The following FRMD5 variants were observed in gnomAD, a reference collection of about 807,000 sequenced individuals.
FRMD5 encodes FERM domain containing 5.
FRMD5 carries 20 observed loss-of-function variants against 69.0 expected under a neutral mutation model. The ratio of observed to expected loss-of-function variants is 0.29; its 90% confidence interval spans 0.20 to 0.42. The LOEUF (loss-of-function observed/expected upper bound fraction) is 0.42, where lower values mean the gene tolerates loss of function less well. FRMD5 is among the 10% of genes least tolerant of loss of function. The pLI is 1.00. For missense variants in FRMD5, 595 were observed against 708.6 expected, an observed-to-expected ratio of 0.84 and a Z score of 1.82; for synonymous variants, 271 against 260.1, an observed-to-expected ratio of 1.04 and a Z score of -0.40.
chr15:43,948,299 T>C (rs1221605072), intron 1 of FRMD5, among the ~76,000 whole-genome samples: 1 of 152,202 alleles, frequency 6.6e-6, no homozygotes, highest in Non-Finnish European at 1.5e-5. Context: ...AATATATGGC[T>C]GCTGCCTGGG....
At chr15:43,943,453 T>C (rs2140492472) in intron 1 of FRMD5, among the ~76,000 whole-genome samples, 1 of 152,334 alleles carries the variant, frequency 6.6e-6, no homozygotes, top group South Asian at 2.1e-4. Context: ...ATGATACTTT[T>C]AACTCACCTC....
chr15:43,925,107 C>T (rs866986317), intron 1 of FRMD5, among the ~76,000 whole-genome samples: 3 of 151,018 alleles, frequency 2.0e-5, no homozygotes, highest in African/African-American at 2.4e-5. Flanking sequence ...TGGGTTCACA[C>T]GATTCTCCTG....
intron 1 of FRMD5, among the ~76,000 whole-genome samples, chr15:44,142,513 C>T (rs1158217443): frequency 2.0e-5 from 3 of 152,126 alleles, no homozygotes; most frequent in African/African-American, 7.2e-5. Context: ...TATAGAGACT[C>T]CACACATTCA....
intron 1 of FRMD5, among the ~76,000 whole-genome samples, chr15:43,942,552 TCATCTGGAA>T (rs1465979809): frequency 6.6e-6 from 1 of 152,154 alleles, no homozygotes; most frequent in Non-Finnish European, 1.5e-5. Context: ...TTAACCTTAC[TCATCTGGAA>T]CAATGGAAGA....
At chr15:43,974,913 T>C (rs2090440829) in intron 1 of FRMD5, among the ~76,000 whole-genome samples, 1 of 152,238 alleles carries the variant, frequency 6.6e-6, no homozygotes, top group Non-Finnish European at 1.5e-5. Context: ...TTGTGGCTTC[T>C]GACAATCATC....
At chr15:44,073,310 G>A (rs185016199) in intron 1 of FRMD5, among the ~76,000 whole-genome samples, 35 of 152,180 alleles carry the variant, frequency 2.3e-4, no homozygotes, top group South Asian at 2.1e-3. Flanking sequence ...ACGTGTATAA[G>A]AGCAAACTTA....
intron 1 of FRMD5, among the ~76,000 whole-genome samples, chr15:44,059,543 G>A (rs766061680): frequency 4.6e-5 from 7 of 151,926 alleles, no homozygotes; most frequent in East Asian, 1.9e-4. Flanking sequence ...ATGGAGTCTC[G>A]CTCTCTTACC....
chr15:44,180,511 G>A (rs955100495), intron 1 of FRMD5, among the ~76,000 whole-genome samples: 6 of 152,112 alleles, frequency 3.9e-5, no homozygotes, highest in Non-Finnish European at 7.4e-5. Flanking sequence ...CTGGCCAGGC[G>A]CGGCAGCTCA....
At chr15:44,099,789 T>A (rs2076610074) in intron 1 of FRMD5, among the ~76,000 whole-genome samples, 1 of 152,166 alleles carries the variant, frequency 6.6e-6, no homozygotes, top group Non-Finnish European at 1.5e-5. Context: ...GCCACAACAC[T>A]ATCTCTGGCA....
upstream of FRMD5, among the ~76,000 whole-genome samples, chr15:44,196,732 TTCTCTCTC>T (rs71111844): frequency 0.088 from 10,924 of 123,690 alleles, 643 homozygotes; most frequent in South Asian, 0.25. Context: ...TTCTCTTTCA[TTCTCTCTC>T]TCTCTCTCTC....
chr15:44,095,013 G>A (rs571002086), intron 1 of FRMD5, among the ~76,000 whole-genome samples: 1 of 152,054 alleles, frequency 6.6e-6, no homozygotes, highest in East Asian at 1.9e-4. Context: ...CCGACATAGA[G>A]TCCCACCCAA....
At chr15:43,874,647 C>G (rs1419187576) in intron 13 of FRMD5, among the ~76,000 whole-genome samples, 185 bp from the exon 14 acceptor site, 1 of 152,214 alleles carries the variant, frequency 6.6e-6, no homozygotes, top group Non-Finnish European at 1.5e-5. Flanking sequence ...CACCTGTCAT[C>G]TCAGCACTTT....
chr15:44,064,001 T>C, intron 1 of FRMD5: 1 of 227,284 alleles, frequency 4.4e-6, no homozygotes, highest in Non-Finnish European at 8.9e-6. Context: ...GCCAAGGTCA[T>C]CCATGACAAT....
chr15:44,061,781 C>T (rs1893097959), intron 1 of FRMD5, among the ~76,000 whole-genome samples: 1 of 152,088 alleles, frequency 6.6e-6, no homozygotes, highest in South Asian at 2.1e-4. Context: ...TTTCTAATGG[C>T]GAGATGCATT....
At chr15:44,070,236 A>G (rs1467070083) in intron 1 of FRMD5, among the ~76,000 whole-genome samples, 1 of 151,948 alleles carries the variant, frequency 6.6e-6, no homozygotes, top group Non-Finnish European at 1.5e-5. Context: ...GCTCTTTGGG[A>G]GGCCAAGGTG....
Position 43,908,327 on chromosome 15 carries a change from CAAA to C in FRMD5, c.427+1552_427+1554del, listed in dbSNP as rs58337379. On this transcript the variant is annotated intron_variant, in intron 5 of 13. Coordinates refer to ENST00000417257, the MANE Select transcript of FRMD5 (RefSeq NM_032892.5). The stretch of plus-strand genomic sequence containing the variant: ...TAGGGGACAGAGCCAGATCCTGTCT[CAAA>C]AAAAAAAAAAAAAAAAAAATTCAAA... 8.6e-3 allele frequency among the ~76,000 whole-genome samples: 927 copies of C among 107,916 alleles called. 4 individuals carry two copies. Among genetic ancestry groups the C allele is most frequent in the African/African-American group, 9.3e-3 (257 of 27,692 alleles). The allele number at this position is 107,916 out of a possible 152,430, so 70.8% of individuals were successfully genotyped here. A position where few individuals can be genotyped will look rare whatever the true frequency, so the allele number is the denominator to read the frequency against.
intron 1 of FRMD5, among the ~76,000 whole-genome samples, chr15:43,930,503 G>C (rs199668730): frequency 6.6e-5 from 10 of 152,236 alleles, no homozygotes; most frequent in Non-Finnish European, 1.3e-4. Flanking sequence ...GTGGGGCCAC[G>C]TAACCATGTG....
chr15:44,195,364 G>A, upstream of FRMD5: 1 of 426,586 alleles, frequency 2.3e-6, no homozygotes, highest in Non-Finnish European at 4.2e-6. Context: ...GAACCGAGTG[G>A]CAGACCGAAA....
intron 1 of FRMD5, among the ~76,000 whole-genome samples, chr15:44,020,066 A>G (rs1448835294): frequency 6.6e-6 from 1 of 152,098 alleles, no homozygotes; most frequent in Non-Finnish European, 1.5e-5. Context: ...CCTTATCTCT[A>G]TTAGAGTCCT....
Sources: gnomAD v4.1 joint callset for allele counts (sites outside exome capture counted in the v4.1 genomes callset) on GRCh38, gnomAD v4.1.1 for gene constraint, MANE v1.5 for transcripts, NCBI Gene and HGNC (gene_info 2026-07-23, HGNC 2026-07-21) for gene names.